The following RIPOR3 variants were observed in gnomAD, a reference collection of about 807,000 sequenced individuals.
RIPOR3 encodes RIPOR family member 3.
Under a neutral mutation model 114.3 loss-of-function variants are expected in RIPOR3, and 95 were observed. That is an observed-to-expected ratio of 0.83 (90% CI 0.70 to 0.99). The LOEUF is 0.99. RIPOR3 is among the 50% of genes least tolerant of loss of function. RIPOR3 has a pLI of 0.00. For synonymous variants in RIPOR3, 575 were observed against 543.8 expected (o/e 1.06, Z -0.80); for missense variants, 1,252 against 1,266.9 (o/e 0.99, Z 0.18).
At chr20:50,596,330 A>G in intron 14 of RIPOR3, 67 bp from the exon 15 acceptor site, 1 of 1,596,422 alleles carries the variant, frequency 6.3e-7, no homozygotes. Flanking sequence ...GGGTGGGGGA[A>G]CCCTCCCTTC....
chr20:50,589,856 G>A (rs2083055145), intron 19 of RIPOR3, 87 bp from the exon 20 acceptor site: 4 of 1,179,324 alleles, frequency 3.4e-6, no homozygotes, highest in Non-Finnish European at 5.0e-6. Context: ...GGTGCCGACA[G>A]TAAGGCACGC....
intron 2 of RIPOR3, among the ~76,000 whole-genome samples, chr20:50,628,763 A>G (rs920046455): frequency 3.9e-5 from 6 of 152,158 alleles, no homozygotes; most frequent in Admixed American, 6.5e-5. Flanking sequence ...CTCCGTGAAT[A>G]TCTGCTGCGT....
intron 1 of RIPOR3, among the ~76,000 whole-genome samples, chr20:50,682,385 A>T (rs906461046): frequency 6.6e-6 from 1 of 152,206 alleles, no homozygotes; most frequent in Non-Finnish European, 1.5e-5. Flanking sequence ...AGGCAGGCTG[A>T]TTGCTTGAGG....
intron 1 of RIPOR3, among the ~76,000 whole-genome samples, chr20:50,678,237 C>T (rs1393325326): frequency 6.6e-6 from 1 of 152,214 alleles, no homozygotes; most frequent in Non-Finnish European, 1.5e-5. Context: ...CCACAAGGCA[C>T]AGTACAGGTT....
At chr20:50,618,803 C>A (rs1053792103) in intron 3 of RIPOR3, among the ~76,000 whole-genome samples, 1 of 152,196 alleles carries the variant, frequency 6.6e-6, no homozygotes, top group African/African-American at 2.4e-5. Context: ...GGGCTGGGCA[C>A]AGTGGCTTAT....
intron 17 of RIPOR3, among the ~76,000 whole-genome samples, chr20:50,594,077 T>C (rs2083202820): frequency 6.6e-6 from 1 of 152,024 alleles, no homozygotes; most frequent in South Asian, 2.1e-4. Flanking sequence ...GAGACCAGCC[T>C]GGCCAATATG....
intron 1 of RIPOR3, among the ~76,000 whole-genome samples, chr20:50,644,018 G>A (rs1478434538): frequency 6.6e-6 from 1 of 151,622 alleles, no homozygotes; most frequent in Non-Finnish European, 1.5e-5. Context: ...CAGCTGGGAG[G>A]CTAAGGCAGG....
At chr20:50,594,229 T>C (rs1438010301) in intron 17 of RIPOR3, among the ~76,000 whole-genome samples, 1 of 150,792 alleles carries the variant, frequency 6.6e-6, no homozygotes, top group East Asian at 1.9e-4. Context: ...TGAGCCATGA[T>C]TGTGCCACAG....
chr20:50,618,494 C>T (rs1311903310), intron 3 of RIPOR3, among the ~76,000 whole-genome samples: 1 of 152,156 alleles, frequency 6.6e-6, no homozygotes, highest in African/African-American at 2.4e-5. Flanking sequence ...TGTGGCTACC[C>T]TGGCCTGGAA....
chr20:50,674,036 C>T (rs920225872), intron 1 of RIPOR3, among the ~76,000 whole-genome samples: 1 of 152,156 alleles, frequency 6.6e-6, no homozygotes, highest in Non-Finnish European at 1.5e-5. Context: ...CGGACACGAG[C>T]GTTCCAAGGC....
intron 13 of RIPOR3, among the ~76,000 whole-genome samples, chr20:50,600,306 G>C (rs981539222): frequency 1.3e-5 from 2 of 152,020 alleles, no homozygotes; most frequent in African/African-American, 4.8e-5. Flanking sequence ...TTCTGACTTC[G>C]TTTGCCAAAA....
intron 1 of RIPOR3, among the ~76,000 whole-genome samples, chr20:50,688,529 T>A (rs2087102860): frequency 6.6e-6 from 1 of 152,236 alleles, no homozygotes; most frequent in South Asian, 2.1e-4. Flanking sequence ...ATGGTGTGTT[T>A]AGCAACCCGT....
At chr20:50,660,549 G>A (rs1283277696) in intron 1 of RIPOR3, among the ~76,000 whole-genome samples, 2 of 152,064 alleles carry the variant, frequency 1.3e-5, no homozygotes, top group Non-Finnish European at 2.9e-5. Context: ...AGCCATTCAT[G>A]AGGGATTCAC....
chr20:50,636,402 A>G (rs1367132462), intron 1 of RIPOR3, among the ~76,000 whole-genome samples: 6 of 152,036 alleles, frequency 3.9e-5, no homozygotes, highest in Non-Finnish European at 8.8e-5. Flanking sequence ...CCCTTTAGCT[A>G]CTGGATTGTG....
Position 50,609,621 on chromosome 20 carries a change from G to T in RIPOR3, c.528C>A (p.Ala176=). 7.1e-7 allele frequency: 1 copy of T among 1,409,374 alleles called. No homozygotes were observed. Among genetic ancestry groups the T allele is most frequent in the South Asian group, 1.6e-5 (1 of 61,644 alleles). The allele number at this position is 1,409,374 out of a possible 1,614,324, so 87.3% of individuals were successfully genotyped here. ...GGCCCAGCTCCTGCAGGCTCTCTCG[G>T]GCTGCGCGGCTCGGGGGGCACCGGG... ...AFARCPPSRA[A]RESLQELGRS... Residue 176 remains alanine, a synonymous_variant, in exon 7 of 22, where the codon GCC becomes GCA. Transcript: ENST00000327979.
intron 9 of RIPOR3, 77 bp downstream of exon 9, chr20:50,608,835 C>A (rs1159526764): frequency 6.2e-7 from 1 of 1,611,274 alleles, no homozygotes; most frequent in Admixed American, 1.7e-5. Context: ...CCAGCTGCAA[C>A]CCTGGTTCCC....
At chr20:50,616,529 G>T (rs1472818551) in intron 3 of RIPOR3, among the ~76,000 whole-genome samples, 1 of 152,038 alleles carries the variant, frequency 6.6e-6, no homozygotes, top group Non-Finnish European at 1.5e-5. Context: ...TTTTAGTAGA[G>T]ATGGGGTTTC....
chr20:50,591,897 C>T (rs1301582617), intron 19 of RIPOR3, among the ~76,000 whole-genome samples: 2 of 152,194 alleles, frequency 1.3e-5, no homozygotes, highest in African/African-American at 4.8e-5. Context: ...GAGTTTGAGA[C>T]CAGCCTGGCC....
At chr20:50,668,844 GAGA>G (rs1568949534) in intron 1 of RIPOR3, among the ~76,000 whole-genome samples, 1 of 150,718 alleles carries the variant, frequency 6.6e-6, no homozygotes, top group East Asian at 1.9e-4. Flanking sequence ...GCAACAGAGC[GAGA>G]CTCCATCTCA....
Sources: allele counts gnomAD v4.1 joint callset (sites outside exome capture counted in the v4.1 genomes callset), GRCh38; gene constraint gnomAD v4.1.1; transcripts MANE v1.5; gene names NCBI Gene and HGNC (gene_info 2026-07-23, HGNC 2026-07-21).